Variants in CNTNAP2 observed in about 807,000 individuals in gnomAD.
CNTNAP2 encodes the protein contactin-associated protein-like 2.
A neutral mutation model predicts 155.2 loss-of-function variants in CNTNAP2; 98 were observed. That is an observed-to-expected ratio of 0.63 (90% confidence interval 0.54 to 0.75). The LOEUF (loss-of-function observed/expected upper bound fraction) is 0.75. Ranked by LOEUF, CNTNAP2 falls within the 30% of genes least tolerant of loss-of-function variation. CNTNAP2 has a pLI of 0.00. For missense variants in CNTNAP2, 1,727 were observed against 1,688.1 expected (o/e 1.02, Z -0.40); for synonymous variants, 651 against 631.2 (o/e 1.03, Z -0.47).
chr7:147,217,951 G>A (rs971180902), intron 8 of CNTNAP2, among the ~76,000 whole-genome samples: 10 of 151,720 alleles, frequency 6.6e-5, no homozygotes, highest in Admixed American at 6.6e-5. Context: ...CATAATATTC[G>A]TTATCTTTTA....
intron 4 of CNTNAP2, among the ~76,000 whole-genome samples, chr7:147,086,283 C>T (rs1160747753): frequency 1.3e-5 from 2 of 151,652 alleles, no homozygotes; most frequent in Non-Finnish European, 2.9e-5. Flanking sequence ...AGAAAATAAA[C>T]AAAAATATGA....
intron 8 of CNTNAP2, among the ~76,000 whole-genome samples, chr7:147,190,016 T>C (rs1016689760): frequency 6.6e-6 from 1 of 152,116 alleles, no homozygotes; most frequent in East Asian, 1.9e-4. Context: ...AGAGCTAGGA[T>C]TACAGGTGTG....
intron 12 of CNTNAP2, among the ~76,000 whole-genome samples, chr7:147,622,353 T>C (rs1257787715): frequency 6.6e-6 from 1 of 152,044 alleles, no homozygotes; most frequent in Non-Finnish European, 1.5e-5. Context: ...CCTCAGTATA[T>C]GGATGATTCT....
At chr7:147,206,803 G>C (rs900255587) in intron 8 of CNTNAP2, among the ~76,000 whole-genome samples, 1 of 151,950 alleles carries the variant, frequency 6.6e-6, no homozygotes, top group African/African-American at 2.4e-5. Flanking sequence ...AACTTAGATG[G>C]TTTTATTTAT....
intron 21 of CNTNAP2, among the ~76,000 whole-genome samples, chr7:148,319,186 A>T (rs1219085489): frequency 1.3e-5 from 2 of 152,208 alleles, no homozygotes; most frequent in Non-Finnish European, 2.9e-5. Flanking sequence ...AATATGCTAG[A>T]CAGTAATGAT....
chr7:146,530,160 G>C (rs1281665772), intron 1 of CNTNAP2, among the ~76,000 whole-genome samples: 3 of 152,126 alleles, frequency 2.0e-5, no homozygotes, highest in Non-Finnish European at 4.4e-5. Context: ...ATGGTGCTGG[G>C]ATAACTGGCT....
intron 1 of CNTNAP2, among the ~76,000 whole-genome samples, chr7:146,425,362 A>G (rs1248112552): frequency 6.6e-6 from 1 of 152,202 alleles, no homozygotes; most frequent in Non-Finnish European, 1.5e-5. Flanking sequence ...GAAAGTAGAA[A>G]ATGCCCAAAG....
At chr7:147,182,804 T>C (rs904667710) in intron 8 of CNTNAP2, among the ~76,000 whole-genome samples, 8 of 152,114 alleles carry the variant, frequency 5.3e-5, no homozygotes, top group African/African-American at 1.9e-4. Flanking sequence ...CTATATCATA[T>C]AATGGGAATA....
At chr7:148,293,855 T>G (rs1019211239) in intron 21 of CNTNAP2, among the ~76,000 whole-genome samples, 3 of 151,574 alleles carry the variant, frequency 2.0e-5, no homozygotes, top group African/African-American at 7.3e-5. Flanking sequence ...GCCAACATGG[T>G]GAAACCTCAT....
chr7:146,297,205 T>A (rs919524940), intron 1 of CNTNAP2, among the ~76,000 whole-genome samples: 2 of 152,154 alleles, frequency 1.3e-5, no homozygotes, highest in Non-Finnish European at 2.9e-5. Flanking sequence ...ACAATTTAAA[T>A]TGAAAATCAT....
chr7:148,393,952 A>C (rs190335256), intron 22 of CNTNAP2, among the ~76,000 whole-genome samples: 3 of 151,906 alleles, frequency 2.0e-5, no homozygotes, highest in African/African-American at 7.2e-5. Context: ...TATTCTTAAT[A>C]TATTAAGTAA....
intron 16 of CNTNAP2, among the ~76,000 whole-genome samples, chr7:148,133,158 T>TGACA (rs1804868168): frequency 6.6e-6 from 1 of 152,078 alleles, no homozygotes; most frequent in Non-Finnish European, 1.5e-5. Context: ...TGCAGCCATA[T>TGACA]GACAGTCTGA....
chr7:147,088,422 T>C (rs1360947071), intron 4 of CNTNAP2, among the ~76,000 whole-genome samples: 1 of 152,344 alleles, frequency 6.6e-6, no homozygotes, highest in East Asian at 1.9e-4. Context: ...AAGCTCCTTT[T>C]CTAACCTTAA....
intron 14 of CNTNAP2, among the ~76,000 whole-genome samples, chr7:147,910,943 A>G (rs750852065): frequency 1.3e-5 from 2 of 152,036 alleles, no homozygotes; most frequent in Non-Finnish European, 2.9e-5. Context: ...TTTTTTTCCA[A>G]TTTTTATTAT....
At chr7:147,619,565 G>A (rs1198966548) in intron 12 of CNTNAP2, among the ~76,000 whole-genome samples, 1 of 152,200 alleles carries the variant, frequency 6.6e-6, no homozygotes, top group Non-Finnish European at 1.5e-5. Context: ...GCCCGTTGTG[G>A]TGATGACCAC....
intron 1 of CNTNAP2, among the ~76,000 whole-genome samples, chr7:146,118,885 G>A (rs1563128992): frequency 1.3e-5 from 2 of 151,942 alleles, no homozygotes; most frequent in South Asian, 2.1e-4. Flanking sequence ...TAATTAAGGT[G>A]GCTTTTTATT....
At chr7:146,195,476 A>T (rs1798762324) in intron 1 of CNTNAP2, among the ~76,000 whole-genome samples, 1 of 152,192 alleles carries the variant, frequency 6.6e-6, no homozygotes, top group Non-Finnish European at 1.5e-5. Context: ...TGGCTTCTTT[A>T]CAGCTTTCAA....
At chr7:146,867,107 T>G (rs4452720) in intron 3 of CNTNAP2, among the ~76,000 whole-genome samples, 4,296 of 152,182 alleles carry the variant, frequency 0.028, 95 homozygotes, top group Non-Finnish European at 0.043. Flanking sequence ...AAATATTTGA[T>G]TTCATCACCC....
chr7:148,216,021 C>T (rs1010200055), intron 18 of CNTNAP2, among the ~76,000 whole-genome samples: 4 of 152,116 alleles, frequency 2.6e-5, no homozygotes, highest in East Asian at 3.9e-4. Context: ...GTTGCATGGG[C>T]GATGGAGTGT....
Sources: gnomAD v4.1 joint callset for allele counts (sites outside exome capture counted in the v4.1 genomes callset) on GRCh38, gnomAD v4.1.1 for gene constraint, MANE v1.5 for transcripts, NCBI Gene and HGNC (gene_info 2026-07-23, HGNC 2026-07-21) for gene names.